MYMX: variants seen among roughly 807,000 people sequenced by gnomAD.
The protein encoded by MYMX is protein myomixer.
the MYMX span, among the ~76,000 whole-genome samples, chr6:44,197,153 T>G: frequency 1.3e-5 from 2 of 151,974 alleles, no homozygotes; most frequent in African/African-American, 4.8e-5. Context: ...GGAGAATAAC[T>G]TGAACCCAGG....
the MYMX span, among the ~76,000 whole-genome samples, chr6:44,199,811 G>A: frequency 6.6e-6 from 1 of 151,836 alleles, no homozygotes; most frequent in Non-Finnish European, 1.5e-5. Flanking sequence ...AGCCTCCCAA[G>A]TAGCTGAGAC....
chr6:44,206,002 A>C, the MYMX span, among the ~76,000 whole-genome samples: 4 of 149,784 alleles, frequency 2.7e-5, no homozygotes, highest in Non-Finnish European at 5.9e-5. Flanking sequence ...ACAAAACAAA[A>C]AAAAACCTCA....
chr6:44,197,380 A>C, the MYMX span, among the ~76,000 whole-genome samples: 40,944 of 151,838 alleles, frequency 0.27, 5,963 homozygotes, highest in Middle Eastern at 0.44. Flanking sequence ...TAAAAATACA[A>C]AAATTAGCTG....
upstream of MYMX, among the ~76,000 whole-genome samples, chr6:44,213,689 G>C (rs1421459053): frequency 6.6e-6 from 1 of 152,160 alleles, no homozygotes; most frequent in Non-Finnish European, 1.5e-5. Flanking sequence ...CAGAGTGCTG[G>C]GATTACAGGC....
chr6:44,207,358 C>CG, the MYMX span, among the ~76,000 whole-genome samples: 3 of 152,022 alleles, frequency 2.0e-5, no homozygotes, highest in Non-Finnish European at 4.4e-5. Flanking sequence ...CCAGGATGGT[C>CG]TCGATCTCCT....
the MYMX span, among the ~76,000 whole-genome samples, chr6:44,210,482 C>T: frequency 6.6e-6 from 1 of 151,948 alleles, no homozygotes; most frequent in Admixed American, 6.6e-5. Context: ...ACAGGGTCTC[C>T]CTATGTTGCC....
the MYMX span, among the ~76,000 whole-genome samples, chr6:44,210,988 C>T: frequency 1.3e-5 from 2 of 151,984 alleles, no homozygotes; most frequent in Admixed American, 6.6e-5. Flanking sequence ...AGCAAGACCC[C>T]GTAGTAGTAC....
At chr6:44,214,828 C>T (rs1291184941), upstream of MYMX, among the ~76,000 whole-genome samples, 2 of 152,182 alleles carry the variant, frequency 1.3e-5, no homozygotes, top group Non-Finnish European at 2.9e-5. Context: ...TCACCTTAGC[C>T]TCCCAAAATG....
chr6:44,206,420 C>T, the MYMX span, among the ~76,000 whole-genome samples: 9 of 151,960 alleles, frequency 5.9e-5, no homozygotes, highest in African/African-American at 9.6e-5. Context: ...TTAGTAGAGA[C>T]GGGGTTTTGC....
chr6:44,217,719 A>G lies in MYMX; in HGVS notation c.248A>G (p.Gln83Arg). The G allele has an allele frequency of 2.5e-6, 1 of 400,994 alleles. No homozygotes were observed. The highest frequency in any genetic ancestry group is 4.4e-6 in the Non-Finnish European group (1 of 226,384). 24.8% of individuals were successfully genotyped at this position (400,994 alleles called of 1,614,324 possible). The change falls in exon 2 of 2, where the codon CAA (glutamine) becomes CGA (arginine). Residue 83 changes from glutamine to arginine, a missense_variant. Gln to Arg is a conservative substitution (Grantham distance 43). Coordinates refer to ENST00000573382, the MANE Select transcript of MYMX (RefSeq NM_001315494.2). ...GAGAGGAGGGAGAGGTTAGGCCCCC[A>G]AAAGTGAGGCCACAAGTCCTGGCAG... is the stretch of plus-strand genomic sequence containing the variant. ...RLERRERLGPQK is the reference protein window; with the variant it reads ...RLERRERLGPRK
Position 44,217,785 on chromosome 6 carries a change from T to G in MYMX, c.*59T>G, listed in dbSNP as rs7774103. On this transcript the variant is annotated 3_prime_UTR_variant, in exon 2 of 2. Transcript: ENST00000573382. ...AATGCTTTCTTTTGGAGTAGGATAA[T>G]CCTGGCACCAGCACTGACCGAAGCC... 0.27 allele frequency: 106,488 copies of G among 400,394 alleles called. 15,662 individuals are homozygous for G. Among genetic ancestry groups the G allele is most frequent in the Middle Eastern group, 0.42 (1,358 of 3,210 alleles). The allele number at this position is 400,394 out of a possible 1,614,324, so 24.8% of individuals were successfully genotyped here. A position where few individuals can be genotyped will look rare whatever the true frequency, so the allele number is the denominator to read the frequency against.
At chr6:44,198,120 T>C in the MYMX span, among the ~76,000 whole-genome samples, 2 of 148,252 alleles carry the variant, frequency 1.3e-5, no homozygotes, top group Non-Finnish European at 1.5e-5. Context: ...TAAGAATCTA[T>C]ACAACACATA....
the MYMX span, among the ~76,000 whole-genome samples, chr6:44,195,971 T>G: frequency 6.6e-6 from 1 of 152,120 alleles, no homozygotes; most frequent in Non-Finnish European, 1.5e-5. Flanking sequence ...AAACAGAGTC[T>G]CACTCTGTTG....
the MYMX span, among the ~76,000 whole-genome samples, chr6:44,193,441 T>C: frequency 2.6e-5 from 4 of 152,130 alleles, no homozygotes; most frequent in African/African-American, 9.7e-5. Flanking sequence ...TTGGCTCCAT[T>C]TCACAGAAAA....
chr6:44,200,408 G>A, the MYMX span, among the ~76,000 whole-genome samples: 173 of 152,036 alleles, frequency 1.1e-3, no homozygotes, highest in African/African-American at 4.0e-3. Context: ...TCTACCTCCC[G>A]GGTTCAAGCA....
chr6:44,215,666 G>A (rs999160889), upstream of MYMX, among the ~76,000 whole-genome samples: 7 of 152,130 alleles, frequency 4.6e-5, no homozygotes, highest in East Asian at 1.9e-4. Context: ...AGGCCAAGAC[G>A]GGTGGAGCAC....
the MYMX span, among the ~76,000 whole-genome samples, chr6:44,192,727 C>T: frequency 6.6e-6 from 1 of 152,156 alleles, no homozygotes; most frequent in Non-Finnish European, 1.5e-5. Flanking sequence ...GGTTAAAGCT[C>T]CACCCTCCAG....
chr6:44,202,043 C>A, the MYMX span, among the ~76,000 whole-genome samples: 1 of 152,130 alleles, frequency 6.6e-6, no homozygotes, highest in Non-Finnish European at 1.5e-5. Context: ...TCGCAGCATG[C>A]TCTTGAGCGC....
At chr6:44,211,795 T>G in the MYMX span, among the ~76,000 whole-genome samples, 2 of 148,154 alleles carry the variant, frequency 1.3e-5, no homozygotes, top group Non-Finnish European at 3.0e-5. Context: ...GTTTTGTGTG[T>G]GTGTGTGTGT....
Sources: gnomAD v4.1 joint callset for allele counts (sites outside exome capture counted in the v4.1 genomes callset) on GRCh38, gnomAD v4.1.1 for gene constraint, MANE v1.5 for transcripts, NCBI Gene and HGNC (gene_info 2026-07-23, HGNC 2026-07-21) for gene names.